The following EXOC6B variants were observed in gnomAD, a reference collection of about 807,000 sequenced individuals.
The protein encoded by EXOC6B is SEC15 homolog B.
A neutral mutation model predicts 113.5 loss-of-function variants in EXOC6B; 54 were observed. The ratio of observed to expected loss-of-function variants is 0.48; its 90% CI spans 0.38 to 0.60. The LOEUF is 0.60. Among genes scored for constraint, EXOC6B ranks in the 20% least tolerant of loss-of-function variants. EXOC6B has a pLI of 0.00. For synonymous variants in EXOC6B, 357 were observed against 339.0 expected (o/e 1.05, Z -0.58); for missense variants, 797 against 977.5 (o/e 0.82, Z 2.46).
At position 72,779,600 on chromosome 2, in the gene EXOC6B, C is replaced by T. The variant is rs540029495; in HGVS notation, c.114-38131G>A. Reference sequence around the variant, plus strand: ...CAACTATTTTGGTCAGACCCCAAGCCCCATGCCAATGCTCTCTGGCAAAAG... The same window carrying T: ...CAACTATTTTGGTCAGACCCCAAGCTCCATGCCAATGCTCTCTGGCAAAAG... On this transcript the variant is annotated intron_variant, in intron 1 of 21. Coordinates refer to ENST00000272427, the MANE Select transcript of EXOC6B (RefSeq NM_015189.3). Among the ~76,000 whole-genome samples, 8 of 152,170 alleles carry T rather than the reference C, an allele frequency of 5.3e-5. 1 individual carries two copies. Among genetic ancestry groups the T allele is most frequent in the African/African-American group, 1.9e-4 (8 of 41,502 alleles).
chr2:72,572,457 G>GCAAAACATTTTGTGA (rs1226761892), intron 7 of EXOC6B, among the ~76,000 whole-genome samples: 3 of 152,160 alleles, frequency 2.0e-5, no homozygotes, highest in Admixed American at 2.0e-4. Context: ...GAAATTTCAT[G>GCAAAACATTTTGTGA]CAAAACATTT....
chr2:72,617,549 G>A (rs1671471860), intron 6 of EXOC6B, among the ~76,000 whole-genome samples: 2 of 124,050 alleles, frequency 1.6e-5, no homozygotes, highest in African/African-American at 6.1e-5. Context: ...TGAGGCAGGA[G>A]TCTTGCTCTG....
At chr2:72,805,832 T>C (rs1281791509) in intron 1 of EXOC6B, among the ~76,000 whole-genome samples, 2 of 152,128 alleles carry the variant, frequency 1.3e-5, no homozygotes, top group African/African-American at 4.8e-5. Flanking sequence ...ACCCTCTGCT[T>C]CTATGAGTTA....
intron 20 of EXOC6B, among the ~76,000 whole-genome samples, chr2:72,196,960 G>GA (rs1446775238): frequency 1.3e-5 from 2 of 152,156 alleles, no homozygotes; most frequent in Non-Finnish European, 2.9e-5. Context: ...CAGATCAAGG[G>GA]AAAATCAGGC....
chr2:72,476,967 G>A (rs1226190620), intron 17 of EXOC6B, among the ~76,000 whole-genome samples: 1 of 152,028 alleles, frequency 6.6e-6, no homozygotes, highest in Non-Finnish European at 1.5e-5. Context: ...ACTTGTACTT[G>A]TCTGGGAAGT....
At chr2:72,351,316 C>G (rs955776631) in intron 19 of EXOC6B, among the ~76,000 whole-genome samples, 1 of 152,136 alleles carries the variant, frequency 6.6e-6, no homozygotes, top group Non-Finnish European at 1.5e-5. Flanking sequence ...TACAATTAAA[C>G]GGTTCATAGT....
chr2:72,617,208 C>T (rs369664959), intron 6 of EXOC6B, among the ~76,000 whole-genome samples: 1 of 152,326 alleles, frequency 6.6e-6, no homozygotes, highest in Non-Finnish European at 1.5e-5. Flanking sequence ...GTATAGCCCC[C>T]CTCCTGGCTG....
intron 20 of EXOC6B, among the ~76,000 whole-genome samples, chr2:72,228,386 T>C (rs1681380162): frequency 6.6e-6 from 1 of 151,934 alleles, no homozygotes; most frequent in Non-Finnish European, 1.5e-5. Context: ...CATTTAACAT[T>C]AGGTATATCT....
intron 6 of EXOC6B, among the ~76,000 whole-genome samples, chr2:72,664,104 T>C (rs771691488): frequency 1.3e-5 from 2 of 152,044 alleles, no homozygotes; most frequent in Non-Finnish European, 2.9e-5. Flanking sequence ...ACATAGCAGT[T>C]TGAGGCCAGC....
intron 19 of EXOC6B, among the ~76,000 whole-genome samples, chr2:72,349,632 C>T (rs1232101002): frequency 6.6e-6 from 1 of 152,186 alleles, no homozygotes; most frequent in Non-Finnish European, 1.5e-5. Context: ...ACTCAGATTC[C>T]ATGAGGAGTG....
At chr2:72,274,217 C>A (rs1381515568) in intron 20 of EXOC6B, among the ~76,000 whole-genome samples, 1 of 152,098 alleles carries the variant, frequency 6.6e-6, no homozygotes, top group Non-Finnish European at 1.5e-5. Flanking sequence ...CACATTTAGA[C>A]AAATACTCCA....
In EXOC6B at chr2:72,616,672, G is replaced by A. The variant is rs1222733387; in HGVS notation, c.670-41004C>T. 5.3e-5 allele frequency among the ~76,000 whole-genome samples: 8 copies of A among 152,114 alleles called. No homozygotes were observed. In the East Asian group the frequency reaches 5.8e-4, roughly 11 times the overall value. On this transcript the variant is annotated intron_variant, in intron 6 of 21. Transcript: ENST00000272427. ...CAAGAGAACAGCATGGGAAAGACCC[G>A]CCTCCATGATTCAATTATCCCCCAC...
intron 1 of EXOC6B, among the ~76,000 whole-genome samples, chr2:72,787,219 TA>T (rs1684425034): frequency 3.3e-4 from 50 of 152,148 alleles, no homozygotes; most frequent in Admixed American, 3.0e-3. Flanking sequence ...TTTTATTTTT[TA>T]TTTTTTTTCG....
At chr2:72,483,678 A>G (rs1042162867) in intron 16 of EXOC6B, among the ~76,000 whole-genome samples, 1 of 152,222 alleles carries the variant, frequency 6.6e-6, no homozygotes, top group South Asian at 2.1e-4. Context: ...TTGTCTGTTA[A>G]CGAGGACTAA....
intron 19 of EXOC6B, among the ~76,000 whole-genome samples, chr2:72,338,540 G>A (rs893066280): frequency 6.6e-6 from 1 of 152,188 alleles, no homozygotes; most frequent in East Asian, 1.9e-4. Flanking sequence ...TTTAGCTACA[G>A]CATAGCAATT....
intron 1 of EXOC6B, among the ~76,000 whole-genome samples, chr2:72,804,945 G>A (rs1322904732): frequency 6.6e-6 from 1 of 152,106 alleles, no homozygotes; most frequent in African/African-American, 2.4e-5. Flanking sequence ...CTCCATACAT[G>A]ATTGCCCTTA....
At chr2:72,220,101 CA>C (rs1680774589) in intron 20 of EXOC6B, among the ~76,000 whole-genome samples, 1 of 152,166 alleles carries the variant, frequency 6.6e-6, no homozygotes, top group Non-Finnish European at 1.5e-5. Context: ...TTGGAAATTT[CA>C]AATACTACAT....
intron 18 of EXOC6B, among the ~76,000 whole-genome samples, chr2:72,427,097 G>A (rs1695239657): frequency 6.6e-6 from 1 of 152,226 alleles, no homozygotes; most frequent in South Asian, 2.1e-4. Flanking sequence ...GGGGCAGTGT[G>A]ATGCTTCACA....
intron 11 of EXOC6B, among the ~76,000 whole-genome samples, chr2:72,501,517 C>T (rs1388828072): frequency 1.3e-5 from 2 of 152,084 alleles, no homozygotes; most frequent in East Asian, 3.9e-4. Context: ...TACTTTATAG[C>T]AACACAAATG....
Sources: gnomAD v4.1 joint callset for allele counts (sites outside exome capture counted in the v4.1 genomes callset) on GRCh38, gnomAD v4.1.1 for gene constraint, MANE v1.5 for transcripts, NCBI Gene and HGNC (gene_info 2026-07-23, HGNC 2026-07-21) for gene names.